TUT1: variants seen among roughly 807,000 people sequenced by gnomAD.
The protein encoded by TUT1 is speckle targeted PIP5K1A-regulated poly(A) polymerase.
TUT1 carries 26 observed loss-of-function variants against 48.8 expected under a neutral mutation model. The ratio of observed to expected loss-of-function variants is 0.53; its 90% CI spans 0.39 to 0.74. TUT1 has a LOEUF of 0.74. Among genes scored for constraint, TUT1 ranks in the 30% least tolerant of loss-of-function variants. The probability of loss-of-function intolerance (pLI) is 0.00; values close to 1 mark genes in which losing one functional copy is unlikely to be tolerated. For missense variants in TUT1, 1,065 were observed against 1,114.8 expected, an observed-to-expected ratio of 0.96 and a Z score of 0.64; for synonymous variants, 470 against 460.8, an observed-to-expected ratio of 1.02 and a Z score of -0.26.
intron 5 of TUT1, 25 bp from the exon 6 acceptor site, chr11:62,577,316 G>A: frequency 6.3e-7 from 1 of 1,587,352 alleles, no homozygotes; most frequent in Non-Finnish European, 8.6e-7. Context: ...GGACAAGGGT[G>A]TTAGCGCTTG....
Position 62,581,701 on chromosome 11 carries a change from C to T in TUT1, c.274G>A (p.Gly92Arg). 2.8e-6 allele frequency: 4 copies of T among 1,445,770 alleles called. No individual in the cohort carries two copies. Among genetic ancestry groups the T allele is most frequent in the Non-Finnish European group, 2.7e-6 (3 of 1,096,634 alleles). 89.6% of individuals were successfully genotyped at this position (1,445,770 alleles called of 1,614,324 possible). A position where few individuals can be genotyped will look rare whatever the true frequency, so the allele number is the denominator to read the frequency against. The change falls in exon 3 of 9, where the codon GGA becomes AGA. Residue 92 changes from glycine to arginine, a missense_variant and splice_region_variant. Transcript: ENST00000476907. ...VASVVMDKDK[G>R]VFAIVEMGDV... ...CCCATCTCCACAATGGCAAACACTCCCTGGTAAACAACAGGGGCAGAGATG... is the reference window on the plus strand; with the variant it reads ...CCCATCTCCACAATGGCAAACACTCTCTGGTAAACAACAGGGGCAGAGATG...
chr11:62,581,839 G>A (rs1941832534), intron 2 of TUT1, 138 bp from the exon 3 acceptor site: 3 of 832,990 alleles, frequency 3.6e-6, no homozygotes, highest in Non-Finnish European at 5.1e-6. Flanking sequence ...TAATAACAGG[G>A]GACATATCTA....
Position 62,576,660 on chromosome 11 carries a change from G to C in TUT1, c.1471C>G (p.Leu491Val). ...CTACCAGGCTCCCCAAACTCACTGA[G>C]GGGCTCCACATTTATGCTGGGCTCC... ...RLEPSINVEP[L>V]SSLLAQFFSC... The change falls in exon 8 of 9, where the codon CTC (leucine) becomes GTC (valine). Residue 491 changes from leucine to valine, a missense_variant. By Grantham distance (32) the Leu-to-Val change is conservative. Coordinates refer to ENST00000476907, the MANE Select transcript of TUT1 (RefSeq NM_022830.3). 2 of 1,614,048 alleles carry C rather than the reference G, an allele frequency of 1.2e-6. No individual in the cohort carries two copies. Among genetic ancestry groups the C allele is most frequent in the Non-Finnish European group, 1.7e-6 (2 of 1,179,946 alleles).
chr11:62,585,191 G>C (rs557091577), intron 2 of TUT1, among the ~76,000 whole-genome samples: 308 of 152,262 alleles, frequency 2.0e-3, no homozygotes, highest in Middle Eastern at 6.8e-3. Context: ...TGTGATTATA[G>C]CTCACTGTAG....
intron 1 of TUT1, among the ~76,000 whole-genome samples, chr11:62,589,841 C>T (rs914561097): frequency 6.6e-6 from 1 of 152,194 alleles, no homozygotes; most frequent in African/African-American, 2.4e-5. Flanking sequence ...AATTACATTG[C>T]CCAAGTTCAA....
intron 4 of TUT1, among the ~76,000 whole-genome samples, chr11:62,579,237 T>C (rs1941787481): frequency 6.6e-6 from 1 of 152,188 alleles, no homozygotes; most frequent in African/African-American, 2.4e-5. Context: ...AAAAATGTCA[T>C]TGTCGTGAAA....
rs369465867 is a variant in TUT1 at position 62,578,539 on chromosome 11, G to A, written c.1160+22C>T. The A allele has an allele frequency of 4.3e-5, 67 of 1,556,244 alleles. 1 individual carries two copies. Among genetic ancestry groups the A allele is most frequent in the Admixed American group, 3.2e-4 (17 of 52,570 alleles). ...CAGCCTGGGCAACGAGTGAAATGTC[G>A]TCTCAAAAAAAAGAAAGGTACCGGT... On this transcript the variant is annotated intron_variant, in intron 5 of 8. Transcript: ENST00000476907.
rs997996291 is a variant in TUT1 at position 62,589,592 on chromosome 11, C to T, written c.83-371G>A. On this transcript the variant is annotated intron_variant, in intron 1 of 8. Coordinates refer to ENST00000476907, the MANE Select transcript of TUT1 (RefSeq NM_022830.3). Reference sequence around the variant, plus strand: ...CTAATTTTTGTATTTTTAGTAGAGACGAGGGTTCCCAGGAGAACTGGCTAC... The same window carrying T: ...CTAATTTTTGTATTTTTAGTAGAGATGAGGGTTCCCAGGAGAACTGGCTAC... 2.6e-5 allele frequency among the ~76,000 whole-genome samples: 4 copies of T among 152,098 alleles called. No homozygotes were observed. The South Asian group carries it at 6.2e-4, about 24-fold the overall frequency.
chr11:62,577,093 G>A, intron 6 of TUT1, 76 bp from the exon 7 acceptor site: 1 of 1,585,388 alleles, frequency 6.3e-7, no homozygotes, highest in Non-Finnish European at 8.7e-7. Flanking sequence ...CTCAACCCCG[G>A]TGCCCATTCT....
In TUT1 at chr11:62,575,145, G is replaced by T; in HGVS notation, c.2574C>A (p.Leu858=). The T allele has an allele frequency of 5.0e-6, 8 of 1,591,302 alleles. No homozygotes were observed. Among genetic ancestry groups the T allele is most frequent in the Non-Finnish European group, 6.9e-6 (8 of 1,166,070 alleles). The part of the protein sequence containing the change: ...LQDPQGLFPD[L]HHFLQVFLPQ... ...GGAGGAAAACCTGTAAGAAATGATG[G>T]AGATCAGGGAACAGGCCTTGGGGAT... is the stretch of plus-strand genomic sequence containing the variant. The change falls in exon 9 of 9, where the codon CTC becomes CTA. Residue 858 remains leucine, a synonymous_variant. Coordinates refer to ENST00000476907, the MANE Select transcript of TUT1 (RefSeq NM_022830.3).
Position 62,581,179 on chromosome 11 carries a change from G to A in TUT1, c.617C>T (p.Ser206Phe), listed in dbSNP as rs1941818841. 1 of 1,614,044 alleles carries A rather than the reference G, an allele frequency of 6.2e-7. No homozygotes were observed. Among genetic ancestry groups the A allele is most frequent in the Non-Finnish European group, 8.5e-7 (1 of 1,180,036 alleles). Residue 206 changes from serine to phenylalanine, a missense_variant, in exon 4 of 9, where the codon TCC becomes TTC. Coordinates refer to ENST00000476907, the MANE Select transcript of TUT1 (RefSeq NM_022830.3). ...PGCVVHPFGS[S>F]INSFDVHGCD... Reference sequence around the variant, plus strand: ...GCCATGGACATCGAAGCTATTTATGGAAGAGCCAAAAGGGTGGACCACACA... The same window carrying A: ...GCCATGGACATCGAAGCTATTTATGAAAGAGCCAAAAGGGTGGACCACACA...
At chr11:62,576,879 T>C in intron 7 of TUT1, 28 bp downstream of exon 7, 1 of 1,606,632 alleles carries the variant, frequency 6.2e-7, no homozygotes, top group Middle Eastern at 1.7e-4. Context: ...ACTAACAAGA[T>C]GGAGAGGGTG....
rs1344431901 is a variant in TUT1, at chr11:62,577,267, G to A, written c.1185C>T (p.Phe395=). Residue 395 remains phenylalanine (F), a synonymous_variant, in exon 6 of 9, where the codon TTC becomes TTT. Coordinates refer to ENST00000476907, the MANE Select transcript of TUT1 (RefSeq NM_022830.3). ...CATCCAGCTCAGAGCAGAGACTCAGGAAACGGGAGTTATGCAGGGCCAGCC... is the reference window on the plus strand; with the variant it reads ...CATCCAGCTCAGAGCAGAGACTCAGAAAACGGGAGTTATGCAGGGCCAGCC... ...SNRLALHNSR[F]LSLCSELDGR... is the part of the protein sequence containing the mutation. 1 of 1,612,850 alleles carries A rather than the reference G, an allele frequency of 6.2e-7. No homozygotes were observed. The highest frequency in any genetic ancestry group is 8.5e-7 in the Non-Finnish European group (1 of 1,179,714).
Position 62,575,299 on chromosome 11 carries a change from T to C in TUT1, c.2420A>G (p.Glu807Gly). 1 of 1,614,146 alleles carries C rather than the reference T, an allele frequency of 6.2e-7. No individual in the cohort carries two copies. Among genetic ancestry groups the C allele is most frequent in the Non-Finnish European group, 8.5e-7 (1 of 1,180,014 alleles). ...TTTCAGCTCCTGGGTGACCTGAGCC[T>C]CAGTCGCCAGCCACCCTGCTCTTGT... The part of the protein sequence containing the change: ...AGTRAGWLAT[E>G]AQVTQELKGL... The change falls in exon 9 of 9, where the codon GAG (glutamate) becomes GGG (glycine). Residue 807 changes from glutamate (E) to glycine (G), a missense_variant. Physicochemically the swap from Glu to Gly is moderately conservative, Grantham distance 98 (BLOSUM62 -2). Coordinates refer to ENST00000476907, the MANE Select transcript of TUT1 (RefSeq NM_022830.3).
intron 1 of TUT1, among the ~76,000 whole-genome samples, chr11:62,590,009 TA>T (rs1941984064): frequency 6.6e-6 from 1 of 152,226 alleles, no homozygotes; most frequent in Admixed American, 6.5e-5. Context: ...TGGTACACGG[TA>T]AATGTTGAAA....
rs1941706730 is a variant in TUT1 at position 62,575,532 on chromosome 11, C to T, written c.2187G>A (p.Gln729=). The change falls in exon 9 of 9, where the codon CAG becomes CAA. Residue 729 remains glutamine, a synonymous_variant. Coordinates refer to ENST00000476907, the MANE Select transcript of TUT1 (RefSeq NM_022830.3). ...GCTCTGCCAGGGCTGCGTGGCTGGG[C>T]TGCCCCTCTTCTCCAGGGGCTCCAT... The part of the protein sequence containing the change: ...GKHGAPGEEG[Q]PSHAALAERG... 4 of 1,613,668 alleles carry T rather than the reference C, an allele frequency of 2.5e-6. No individual in the cohort carries two copies. In the African/African-American group the frequency reaches 4.0e-5, roughly 16 times the overall value.
chr11:62,579,092 GATA>G, intron 4 of TUT1, 62 bp from the exon 5 acceptor site: 1 of 1,262,220 alleles, frequency 7.9e-7, no homozygotes, highest in South Asian at 1.9e-5. Context: ...GATCTCTCAA[GATA>G]ATATTACTTC....
At chr11:62,591,184 T>C in intron 1 of TUT1, 1 of 482,460 alleles carries the variant, frequency 2.1e-6, no homozygotes, top group Non-Finnish European at 2.6e-6. Flanking sequence ...AATAAAACAA[T>C]TAAACTTGCG....
rs1316891091 is a variant in TUT1, at chr11:62,577,193, C to T, written c.1259G>A (p.Arg420Gln). 2 of 1,608,968 alleles carry T rather than the reference C, an allele frequency of 1.2e-6. No homozygotes were observed. The highest frequency in any genetic ancestry group is 1.7e-5 in the Admixed American group (1 of 58,060). Reference sequence around the variant, plus strand: ...TGATCCATTCTCACCTGACAGCCCCCGACCCTGAGCCCAGCAGCGGAGGGT... The same window carrying T: ...TGATCCATTCTCACCTGACAGCCCCTGACCCTGAGCCCAGCAGCGGAGGGT... ...VYTLRCWAQGRGLSGSGPLLS... is the reference protein window; with the variant it reads ...VYTLRCWAQGQGLSGSGPLLS... The change falls in exon 6 of 9, where the codon CGG (arginine) becomes CAG (glutamine). Residue 420 changes from arginine to glutamine, a missense_variant. Physicochemically the swap from Arg to Gln is conservative, Grantham distance 43. Coordinates refer to ENST00000476907, the MANE Select transcript of TUT1 (RefSeq NM_022830.3).
Sources: allele counts gnomAD v4.1 joint callset (sites outside exome capture counted in the v4.1 genomes callset), GRCh38; gene constraint gnomAD v4.1.1; transcripts MANE v1.5; gene names NCBI Gene and HGNC (gene_info 2026-07-23, HGNC 2026-07-21).